The following PDE3B variants were observed in gnomAD, a reference collection of about 807,000 sequenced individuals.
PDE3B encodes phosphodiesterase 3B.
PDE3B carries 66 observed loss-of-function variants against 116.8 expected under a neutral mutation model. The observed-to-expected ratio is 0.56, with a 90% CI of 0.46 to 0.69. The LOEUF is 0.69. Among genes scored for constraint, PDE3B ranks in the 30% least tolerant of loss-of-function variants. PDE3B has a pLI of 0.00. For synonymous variants in PDE3B, 595 were observed against 533.6 expected, an observed-to-expected ratio of 1.12 and a Z score of -1.59; for missense variants, 1,384 against 1,368.1, an observed-to-expected ratio of 1.01 and a Z score of -0.18.
chr11:14,849,165 C>A (rs987343486), intron 12 of PDE3B, among the ~76,000 whole-genome samples: 1 of 152,108 alleles, frequency 6.6e-6, no homozygotes, highest in East Asian at 1.9e-4. Context: ...CAGAACAGAG[C>A]CCTCAGAAAT....
At chr11:14,874,452 T>G (rs529043164), downstream of PDE3B, among the ~76,000 whole-genome samples, 3 of 152,308 alleles carry the variant, frequency 2.0e-5, no homozygotes, top group South Asian at 4.1e-4. Flanking sequence ...AAACTCATTA[T>G]TTTAATTACA....
intron 1 of PDE3B, among the ~76,000 whole-genome samples, chr11:14,724,772 G>T (rs1590092240): frequency 6.6e-6 from 1 of 152,092 alleles, no homozygotes; most frequent in Non-Finnish European, 1.5e-5. Flanking sequence ...AAGAGAAGAA[G>T]GCCTAGAAGT....
chr11:14,772,125 T>C, intron 2 of PDE3B, 138 bp downstream of exon 2: 2 of 466,882 alleles, frequency 4.3e-6, no homozygotes, highest in Non-Finnish European at 7.8e-6. Context: ...ACTAAACTAA[T>C]AAGTTAACTA....
At chr11:14,879,103 AG>A in the PDE3B span, 1 of 1,609,070 alleles carries the variant, frequency 6.2e-7, no homozygotes. Flanking sequence ...GCCCCGTGAA[AG>A]TTCTCTTACC....
chr11:14,742,862 C>A (rs1856809013), intron 1 of PDE3B, among the ~76,000 whole-genome samples: 1 of 152,102 alleles, frequency 6.6e-6, no homozygotes, highest in Non-Finnish European at 1.5e-5. Context: ...AGGTCCACTC[C>A]AGACCCTGTT....
chr11:14,842,360 T>C (rs561339282), intron 11 of PDE3B, among the ~76,000 whole-genome samples: 6 of 152,226 alleles, frequency 3.9e-5, no homozygotes, highest in Non-Finnish European at 7.3e-5. Context: ...AATATATAAA[T>C]TCCAAGTAAT....
chr11:14,788,705 G>A (rs901589573), intron 3 of PDE3B, among the ~76,000 whole-genome samples: 5 of 151,872 alleles, frequency 3.3e-5, no homozygotes, highest in Non-Finnish European at 7.4e-5. Flanking sequence ...AAATTCTATA[G>A]CACTGTACTG....
chr11:14,876,804 C>T (rs1199496048), downstream of PDE3B, among the ~76,000 whole-genome samples: 1 of 152,096 alleles, frequency 6.6e-6, no homozygotes, highest in Admixed American at 6.6e-5. Context: ...GACACAGGAT[C>T]TTTGATTACA....
chr11:14,874,607 A>T (rs1848172640), downstream of PDE3B, among the ~76,000 whole-genome samples: 1 of 152,168 alleles, frequency 6.6e-6, no homozygotes, highest in Non-Finnish European at 1.5e-5. Context: ...AATTTAAGGC[A>T]ATATTATCCT....
intron 1 of PDE3B, among the ~76,000 whole-genome samples, chr11:14,758,161 A>G (rs894275121): frequency 6.6e-6 from 1 of 152,128 alleles, no homozygotes; most frequent in African/African-American, 2.4e-5. Context: ...CCATTGATCT[A>G]TATCTCTGAT....
intron 1 of PDE3B, among the ~76,000 whole-genome samples, chr11:14,729,788 T>C (rs987845273): frequency 2.6e-5 from 4 of 152,154 alleles, no homozygotes; most frequent in Non-Finnish European, 4.4e-5. Context: ...TTTAATGGAG[T>C]GTTCAAATAC....
intron 8 of PDE3B, 75 bp downstream of exon 8, chr11:14,830,921 C>A: frequency 9.9e-7 from 1 of 1,007,178 alleles, no homozygotes; most frequent in Non-Finnish European, 1.4e-6. Flanking sequence ...ATTACTTTTG[C>A]CCAGAACAAG....
chr11:14,771,477 A>G (rs921781775), intron 1 of PDE3B, among the ~76,000 whole-genome samples: 1 of 151,754 alleles, frequency 6.6e-6, no homozygotes, highest in Non-Finnish European at 1.5e-5. Context: ...TGATAAGTCT[A>G]TTCTTTTATA....
chr11:14,795,126 T>C (rs1003232081), intron 4 of PDE3B, among the ~76,000 whole-genome samples: 25 of 152,314 alleles, frequency 1.6e-4, no homozygotes, highest in Non-Finnish European at 2.6e-4. Context: ...CAATTTAAGC[T>C]TTAGTCCCTC....
the PDE3B span, among the ~76,000 whole-genome samples, chr11:14,879,815 T>C: frequency 6.6e-6 from 1 of 152,136 alleles, no homozygotes; most frequent in Non-Finnish European, 1.5e-5. Flanking sequence ...ATACCTAGAA[T>C]TGGAGTAAGA....
chr11:14,654,596 AAAC>A (rs2133752386), intron 1 of PDE3B, among the ~76,000 whole-genome samples: 1 of 152,320 alleles, frequency 6.6e-6, no homozygotes, highest in African/African-American at 2.4e-5. Flanking sequence ...AGGTAAAACT[AAAC>A]AAACACTGTT....
intron 1 of PDE3B, among the ~76,000 whole-genome samples, chr11:14,752,909 T>C (rs1176567137): frequency 6.6e-6 from 1 of 152,146 alleles, no homozygotes; most frequent in African/African-American, 2.4e-5. Flanking sequence ...GACTTTTGCT[T>C]TCTAAACTAT....
intron 1 of PDE3B, among the ~76,000 whole-genome samples, chr11:14,672,660 C>G (rs184752451): frequency 6.6e-6 from 1 of 152,148 alleles, no homozygotes; most frequent in Non-Finnish European, 1.5e-5. Flanking sequence ...TTATGTTGCT[C>G]TGCCACCTCT....
chr11:14,669,303 G>A (rs1590048248), intron 1 of PDE3B, among the ~76,000 whole-genome samples: 2 of 152,002 alleles, frequency 1.3e-5, no homozygotes, highest in African/African-American at 2.4e-5. Flanking sequence ...CTCACTTCCT[G>A]TCTTTCTGTC....
Sources: gnomAD v4.1 joint callset for allele counts (sites outside exome capture counted in the v4.1 genomes callset) on GRCh38, gnomAD v4.1.1 for gene constraint, MANE v1.5 for transcripts, NCBI Gene and HGNC (gene_info 2026-07-23, HGNC 2026-07-21) for gene names.